Variants in WWOX observed in about 807,000 individuals in gnomAD.
WWOX encodes the protein WW domain containing oxidoreductase, also known as WW domain-containing oxidoreductase.
WWOX carries 69 observed loss-of-function variants against 46.2 expected under a neutral mutation model. The observed-to-expected ratio is 1.49, with a 90% CI of 1.23 to 1.82. The LOEUF is 1.82. Ranked by LOEUF, WWOX falls within the 40% of genes most tolerant of loss-of-function variation. The probability of loss-of-function intolerance (pLI) is 0.00; values close to 1 mark genes in which losing one functional copy is unlikely to be tolerated. For missense variants in WWOX, 919 were observed against 542.6 expected (o/e 1.69, Z -6.89); for synonymous variants, 359 against 202.6 (o/e 1.77, Z -6.56).
chr16:79,151,804 A>T (rs1259063973), intron 8 of WWOX, among the ~76,000 whole-genome samples: 1 of 152,172 alleles, frequency 6.6e-6, no homozygotes, highest in Non-Finnish European at 1.5e-5. Flanking sequence ...TGGCAAGAAA[A>T]TCCATGGCCT....
intron 8 of WWOX, among the ~76,000 whole-genome samples, chr16:78,575,417 C>G (rs1379838731): frequency 6.6e-6 from 1 of 151,794 alleles, no homozygotes; most frequent in African/African-American, 2.4e-5. Flanking sequence ...TGGTGTTAAT[C>G]TTACACCTAC....
At chr16:78,378,895 A>G (rs1240987232) in intron 5 of WWOX, among the ~76,000 whole-genome samples, 1 of 152,202 alleles carries the variant, frequency 6.6e-6, no homozygotes, top group Non-Finnish European at 1.5e-5. Context: ...GAATATATAG[A>G]TGATGTTAAT....
intron 5 of WWOX, among the ~76,000 whole-genome samples, chr16:78,359,734 T>A (rs1011773892): frequency 5.3e-5 from 8 of 152,244 alleles, no homozygotes; most frequent in Non-Finnish European, 1.2e-4. Context: ...CAACGTGATG[T>A]GCATGAGAAG....
At position 78,758,626 on chromosome 16, in the gene WWOX, C is replaced by T. The variant is rs553134271; in HGVS notation, c.1056+325874C>T. ...GATGGTTTCTTTTTAGCTTGTCCTT[C>T]CCGTTCTACAGCATGGAGGTTAAGA... On this transcript the variant is annotated intron_variant, in intron 8 of 8. Transcript: ENST00000566780. 2.3e-3 allele frequency among the ~76,000 whole-genome samples: 355 copies of T among 152,272 alleles called. 1 individual carries two copies. The highest frequency in any genetic ancestry group is 8.0e-3 in the African/African-American group (332 of 41,550).
intron 8 of WWOX, among the ~76,000 whole-genome samples, chr16:79,160,248 C>G (rs1427882486): frequency 6.6e-6 from 1 of 152,142 alleles, no homozygotes. Context: ...GTATAGACAT[C>G]CCTGGTCCAC....
Position 79,211,663 on chromosome 16 carries a change from T to TG in WWOX, c.1115dup (p.Gly373ArgfsTer156). 1 of 1,614,220 alleles carries TG rather than the reference T, an allele frequency of 6.2e-7. No individual in the cohort carries two copies. The highest frequency in any genetic ancestry group is 8.5e-7 in the Non-Finnish European group (1 of 1,180,032). ...GCTGCTGTCCCAGAACTGGAGGGTC[T>TG]GGGAGGGATGTACTTCAACAACTGC... On this transcript the variant is annotated frameshift_variant, in exon 9 of 9. Transcript: ENST00000566780. LOFTEE classifies it high-confidence loss of function.
intron 8 of WWOX, among the ~76,000 whole-genome samples, chr16:78,664,007 TG>T (rs1401689857): frequency 7.2e-5 from 11 of 152,160 alleles, no homozygotes; most frequent in Non-Finnish European, 1.6e-4. Context: ...TGATCACTAT[TG>T]GGAGGTGGTA....
chr16:78,726,253 C>G (rs988853979), intron 8 of WWOX, among the ~76,000 whole-genome samples: 1 of 149,898 alleles, frequency 6.7e-6, no homozygotes, highest in African/African-American at 2.5e-5. Flanking sequence ...TGGAAACAGT[C>G]TTGCTCTGTC....
At chr16:78,755,505 G>A (rs777837407) in intron 8 of WWOX, among the ~76,000 whole-genome samples, 7 of 152,148 alleles carry the variant, frequency 4.6e-5, no homozygotes, top group Non-Finnish European at 8.8e-5. Context: ...TCTTGAGTCA[G>A]TACCTGCCAG....
chr16:79,083,182 T>A (rs1272193008), intron 8 of WWOX, among the ~76,000 whole-genome samples: 1 of 152,160 alleles, frequency 6.6e-6, no homozygotes, highest in African/African-American at 2.4e-5. Context: ...TTCCCCTACT[T>A]GAGGGCGCAG....
At chr16:78,590,901 G>T (rs1036458022) in intron 8 of WWOX, among the ~76,000 whole-genome samples, 47 of 152,140 alleles carry the variant, frequency 3.1e-4, no homozygotes, top group African/African-American at 1.1e-3. Flanking sequence ...TGCTACAAAG[G>T]ACACTGTGCA....
chr16:78,684,611 A>G (rs1209127096), intron 8 of WWOX, among the ~76,000 whole-genome samples: 3 of 152,186 alleles, frequency 2.0e-5, no homozygotes, highest in African/African-American at 7.2e-5. Context: ...GGGACCTCAC[A>G]GAACACTCCA....
At chr16:78,996,862 G>C (rs953439430) in intron 8 of WWOX, among the ~76,000 whole-genome samples, 1 of 152,204 alleles carries the variant, frequency 6.6e-6, no homozygotes, top group Admixed American at 6.5e-5. Context: ...CGACACATGT[G>C]CCATAAATGC....
chr16:78,145,068 A>G (rs551291253), intron 4 of WWOX, among the ~76,000 whole-genome samples: 7 of 152,194 alleles, frequency 4.6e-5, no homozygotes, highest in Non-Finnish European at 7.4e-5. Context: ...TTAAACAACA[A>G]AATTTATTGT....
intron 8 of WWOX, among the ~76,000 whole-genome samples, chr16:78,978,062 C>G (rs975894701): frequency 6.6e-6 from 1 of 152,234 alleles, no homozygotes; most frequent in Non-Finnish European, 1.5e-5. Context: ...CCCTACCATT[C>G]TACCTTCTGT....
At chr16:78,653,378 G>A (rs998561224) in intron 8 of WWOX, among the ~76,000 whole-genome samples, 1 of 152,190 alleles carries the variant, frequency 6.6e-6, no homozygotes, top group Non-Finnish European at 1.5e-5. Context: ...AATCAGAGCA[G>A]TAATAATAGA....
chr16:78,395,833 A>G (rs560225761), intron 6 of WWOX, among the ~76,000 whole-genome samples: 147 of 152,240 alleles, frequency 9.7e-4, no homozygotes, highest in Admixed American at 2.7e-3. Flanking sequence ...CATGGACCCA[A>G]GGATGCTTCA....
chr16:78,685,530 A>G (rs1443724538), intron 8 of WWOX, among the ~76,000 whole-genome samples: 2 of 152,226 alleles, frequency 1.3e-5, no homozygotes, highest in African/African-American at 2.4e-5. Flanking sequence ...CTAAAATGCA[A>G]AAATAGCCCC....
chr16:78,102,449 T>C (rs1260215740), intron 1 of WWOX, among the ~76,000 whole-genome samples: 2 of 152,232 alleles, frequency 1.3e-5, no homozygotes, highest in Non-Finnish European at 2.9e-5. Context: ...ATTCAGCTTG[T>C]GAATTCTGGA....
Sources: gnomAD v4.1 joint callset for allele counts (sites outside exome capture counted in the v4.1 genomes callset) on GRCh38, gnomAD v4.1.1 for gene constraint, MANE v1.5 for transcripts, NCBI Gene and HGNC (gene_info 2026-07-23, HGNC 2026-07-21) for gene names.